Variants in LRRTM4 observed in about 807,000 individuals in gnomAD.
LRRTM4 encodes the protein leucine rich repeat transmembrane neuronal 4, also known as leucine-rich repeat transmembrane neuronal protein 4.
Under a neutral mutation model 47.6 loss-of-function variants are expected in LRRTM4, and 25 were observed. That is an observed-to-expected ratio of 0.53 (90% CI 0.38 to 0.73). The LOEUF (loss-of-function observed/expected upper bound fraction) is 0.73. Ranked by LOEUF, LRRTM4 falls within the 30% of genes least tolerant of loss-of-function variation. The probability of loss-of-function intolerance (pLI) is 0.00; values close to 1 mark genes in which losing one functional copy is unlikely to be tolerated. For synonymous variants in LRRTM4, 311 were observed against 269.5 expected (o/e 1.15, Z -1.51); for missense variants, 638 against 713.4 (o/e 0.89, Z 1.20).
At chr2:76,749,494 A>G (rs1672774484) in intron 3 of LRRTM4, among the ~76,000 whole-genome samples, 2 of 152,060 alleles carry the variant, frequency 1.3e-5, no homozygotes, top group African/African-American at 4.8e-5. Context: ...AATAATCACA[A>G]TTTCCTATAG....
chr2:77,261,921 G>A (rs116259046), intron 3 of LRRTM4, among the ~76,000 whole-genome samples: 8,777 of 152,118 alleles, frequency 0.058, 908 homozygotes, highest in African/African-American at 0.2. Flanking sequence ...CTCACAGCAG[G>A]AGGTGAGCAA....
chr2:76,856,005 G>C (rs4277549), intron 3 of LRRTM4, among the ~76,000 whole-genome samples: 44,685 of 152,144 alleles, frequency 0.29, 7,191 homozygotes, highest in East Asian at 0.59. Context: ...GGCCAGAAGT[G>C]GTGGCTCATG....
At chr2:76,768,005 C>T (rs1673525374) in intron 3 of LRRTM4, among the ~76,000 whole-genome samples, 1 of 152,048 alleles carries the variant, frequency 6.6e-6, no homozygotes, top group East Asian at 1.9e-4. Context: ...CTTGAAATGA[C>T]AATATAAGCC....
intron 3 of LRRTM4, among the ~76,000 whole-genome samples, chr2:77,374,301 T>C (rs1479862578): frequency 6.6e-6 from 1 of 151,496 alleles, no homozygotes; most frequent in East Asian, 1.9e-4. Context: ...AGCAGAAGAG[T>C]AAACTGACTT....
intron 3 of LRRTM4, among the ~76,000 whole-genome samples, chr2:77,099,301 A>G (rs1356637827): frequency 6.6e-6 from 1 of 152,000 alleles, no homozygotes; most frequent in Non-Finnish European, 1.5e-5. Flanking sequence ...TGAATGAATT[A>G]GACCTATAAA....
intron 3 of LRRTM4, among the ~76,000 whole-genome samples, chr2:76,776,296 T>C (rs1345587260): frequency 6.6e-6 from 1 of 152,184 alleles, no homozygotes; most frequent in East Asian, 1.9e-4. Flanking sequence ...CTGGGTCAAA[T>C]GGTATTTCCA....
intron 3 of LRRTM4, among the ~76,000 whole-genome samples, chr2:77,133,362 T>C (rs1456454104): frequency 6.6e-6 from 1 of 152,222 alleles, no homozygotes; most frequent in East Asian, 1.9e-4. Context: ...GAAAATTATT[T>C]AAGTTTTGCT....
At chr2:77,015,879 G>C (rs551244547) in intron 3 of LRRTM4, among the ~76,000 whole-genome samples, 16 of 152,046 alleles carry the variant, frequency 1.1e-4, no homozygotes, top group African/African-American at 3.9e-4. Context: ...GCACTTGAGA[G>C]TCTGAGATGG....
intron 3 of LRRTM4, among the ~76,000 whole-genome samples, chr2:77,348,342 T>C (rs932126479): frequency 4.0e-5 from 6 of 151,782 alleles, no homozygotes; most frequent in East Asian, 3.9e-4. Flanking sequence ...AAAAAGGAAA[T>C]TTTCTTTTTA....
intron 3 of LRRTM4, among the ~76,000 whole-genome samples, chr2:77,219,671 T>A (rs981571318): frequency 3.9e-5 from 6 of 152,152 alleles, no homozygotes; most frequent in African/African-American, 1.2e-4. Flanking sequence ...TGGAAAGAGA[T>A]GTTTGGCAGA....
intron 3 of LRRTM4, among the ~76,000 whole-genome samples, chr2:77,176,491 A>C (rs1673201228): frequency 6.6e-6 from 1 of 152,186 alleles, no homozygotes. Flanking sequence ...CATCACAAGG[A>C]AACAAAATCT....
At chr2:77,447,477 T>C (rs1676098211) in intron 3 of LRRTM4, among the ~76,000 whole-genome samples, 1 of 152,136 alleles carries the variant, frequency 6.6e-6, no homozygotes. Flanking sequence ...GGTATCTCAA[T>C]TCACCATGTG....
At chr2:77,109,215 A>G (rs1158252333) in intron 3 of LRRTM4, among the ~76,000 whole-genome samples, 1 of 152,212 alleles carries the variant, frequency 6.6e-6, no homozygotes, top group Non-Finnish European at 1.5e-5. Context: ...GATTTTAATG[A>G]CTACCAAATT....
At chr2:76,782,231 A>ATTTCC (rs1482212650) in intron 3 of LRRTM4, among the ~76,000 whole-genome samples, 3 of 152,132 alleles carry the variant, frequency 2.0e-5, no homozygotes, top group African/African-American at 7.2e-5. Flanking sequence ...GGCTTCACAA[A>ATTTCC]TTTCCTTTCC....
chr2:77,273,089 GT>G (rs1424442377), intron 3 of LRRTM4, among the ~76,000 whole-genome samples: 1 of 152,072 alleles, frequency 6.6e-6, no homozygotes, highest in African/African-American at 2.4e-5. Flanking sequence ...TAATCAACTT[GT>G]TTTTTCATCC....
At chr2:77,077,417 G>A (rs908796177) in intron 3 of LRRTM4, among the ~76,000 whole-genome samples, 1 of 152,100 alleles carries the variant, frequency 6.6e-6, no homozygotes, top group Non-Finnish European at 1.5e-5. Flanking sequence ...AGACATATTA[G>A]AGATATTTTC....
intron 3 of LRRTM4, among the ~76,000 whole-genome samples, chr2:77,119,435 A>T (rs1007023839): frequency 6.6e-6 from 1 of 151,860 alleles, no homozygotes; most frequent in Admixed American, 6.6e-5. Flanking sequence ...GGTGTTAAGA[A>T]TCTTTACTGA....
intron 3 of LRRTM4, chr2:77,517,770 T>C (rs1679270593): frequency 3.0e-6 from 3 of 984,872 alleles, no homozygotes; most frequent in African/African-American, 3.5e-5. Flanking sequence ...TCTATGCTGG[T>C]ATAATAACTA....
chr2:77,032,812 G>A (rs1048600074), intron 3 of LRRTM4, among the ~76,000 whole-genome samples: 7 of 152,050 alleles, frequency 4.6e-5, no homozygotes, highest in African/African-American at 1.7e-4. Flanking sequence ...ATAATGATAT[G>A]TTTGGAAATG....
Sources: allele counts gnomAD v4.1 joint callset (sites outside exome capture counted in the v4.1 genomes callset), GRCh38; gene constraint gnomAD v4.1.1; transcripts MANE v1.5; gene names NCBI Gene and HGNC (gene_info 2026-07-23, HGNC 2026-07-21).